The following KCNC4 variants were observed in gnomAD, a reference collection of about 807,000 sequenced individuals.
KCNC4 encodes the protein potassium voltage-gated channel subfamily C member 4, also known as voltage-gated potassium channel KCNC4.
In KCNC4, 23 loss-of-function variants were observed where a neutral mutation model predicts 42.8. The ratio of observed to expected loss-of-function variants is 0.54; its 90% CI spans 0.39 to 0.76. The LOEUF is 0.76. KCNC4 is among the 30% of genes least tolerant of loss of function. KCNC4 has a pLI of 0.00. For synonymous variants in KCNC4, 422 were observed against 393.5 expected (o/e 1.07, Z -0.86); for missense variants, 751 against 898.2 (o/e 0.84, Z 2.10).
intron 1 of KCNC4, among the ~76,000 whole-genome samples, chr1:110,277,626 G>A (rs1283145027): frequency 6.6e-6 from 1 of 152,206 alleles, no homozygotes; most frequent in Non-Finnish European, 1.5e-5. Context: ...GGTACACGCT[G>A]TTCTAAACCA....
rs369247875 is a variant in KCNC4, at chr1:110,270,612, C to T, written n.31-11922C>T. On this transcript the variant is annotated intron_variant and non_coding_transcript_variant, in intron 1 of 2. Coordinates refer to the KCNC4 transcript ENST00000412512. Reference sequence around the variant, plus strand: ...TGTGAGCACAAACCAGGAGGCTGAGCGAATGACCTTCAAGAAAGGAACAAA... The same window carrying T: ...TGTGAGCACAAACCAGGAGGCTGAGTGAATGACCTTCAAGAAAGGAACAAA... Among the ~76,000 whole-genome samples the T allele has an allele frequency of 3.9e-5, 6 of 152,066 alleles. No individual in the cohort carries two copies. In the South Asian group the frequency reaches 8.3e-4, roughly 21 times the overall value.
intron 1 of KCNC4, among the ~76,000 whole-genome samples, chr1:110,215,981 T>G (rs545393215): frequency 4.6e-5 from 7 of 152,266 alleles, no homozygotes; most frequent in Non-Finnish European, 8.8e-5. Context: ...ATCTGTTCCT[T>G]TACTTCTCAC....
intron 1 of KCNC4, among the ~76,000 whole-genome samples, chr1:110,216,871 G>A (rs1387495342): frequency 6.6e-6 from 1 of 152,164 alleles, no homozygotes; most frequent in Admixed American, 6.5e-5. Context: ...TCGCTCTGGA[G>A]GGCAGCAGAG....
At chr1:110,264,123 A>G (rs940596534) in intron 1 of KCNC4, among the ~76,000 whole-genome samples, 3 of 152,202 alleles carry the variant, frequency 2.0e-5, no homozygotes, top group African/African-American at 7.2e-5. Flanking sequence ...CATTTATTGT[A>G]GGGCACCAAG....
downstream of KCNC4, among the ~76,000 whole-genome samples, chr1:110,252,205 A>G (rs2224807): frequency 0.72 from 108,938 of 152,136 alleles, 39,245 homozygotes; most frequent in African/African-American, 0.75. Flanking sequence ...GAGGCCTCCT[A>G]GCTAGGGAAG....
rs1657422991 is a variant in KCNC4, at chr1:110,211,185, AG to A, written c.-314del. On this transcript the variant is annotated 5_prime_UTR_variant, in exon 1 of 4. Transcript: ENST00000438661. The surrounding 1 kb of genome is among the most constrained non-coding windows in gnomAD (Gnocchi z 6.5). Reference sequence around the variant, plus strand: ...AGGCGGGGGCGTGTCCCCGGCCCAGAGCGTTTGTGTGTCCCGTCGTAGCGGG... The same window carrying A: ...AGGCGGGGGCGTGTCCCCGGCCCAGACGTTTGTGTGTCCCGTCGTAGCGGG... Among the ~76,000 whole-genome samples the A allele has an allele frequency of 2.6e-5, 4 of 152,146 alleles. 1 individual carries two copies. The South Asian group carries it at 8.3e-4, about 32-fold the overall frequency.
At chr1:110,213,324 G>A (rs1657608430) in intron 1 of KCNC4, among the ~76,000 whole-genome samples, 1 of 152,104 alleles carries the variant, frequency 6.6e-6, no homozygotes, top group Admixed American at 6.5e-5. Context: ...AATGTAACTT[G>A]TTGGGTCTGG....
exon 4 of KCNC4, chr1:110,240,333 A>T (rs961634108): frequency 2.6e-5 from 4 of 152,016 alleles, no homozygotes; most frequent in African/African-American, 9.7e-5. Flanking sequence ...TCCTGAAGAG[A>T]CTTCTGCAGG....
At chr1:110,265,006 G>A (rs559137477) in intron 1 of KCNC4, among the ~76,000 whole-genome samples, 31 of 151,516 alleles carry the variant, frequency 2.0e-4, no homozygotes, top group African/African-American at 6.3e-4. Context: ...ACTTGAACCC[G>A]GGAGGCGGAG....
chr1:110,251,912 C>T (rs1273818775), downstream of KCNC4, among the ~76,000 whole-genome samples: 1 of 152,226 alleles, frequency 6.6e-6, no homozygotes, highest in Non-Finnish European at 1.5e-5. Context: ...CTTGCTCAAC[C>T]AGCCTGCCTC....
intron 1 of KCNC4, among the ~76,000 whole-genome samples, chr1:110,271,489 A>G (rs1659633515): frequency 6.6e-6 from 1 of 152,208 alleles, no homozygotes; most frequent in African/African-American, 2.4e-5. Flanking sequence ...AATTTCTCTT[A>G]AAGAGCAAAA....
At chr1:110,264,986 C>T (rs1316963812) in intron 1 of KCNC4, among the ~76,000 whole-genome samples, 2 of 147,764 alleles carry the variant, frequency 1.4e-5, no homozygotes, top group East Asian at 2.1e-4. Flanking sequence ...GAGGCTGGGG[C>T]GGGAGAATCA....
At chr1:110,218,877 G>A (rs865886279) in intron 1 of KCNC4, among the ~76,000 whole-genome samples, 27 of 152,148 alleles carry the variant, frequency 1.8e-4, no homozygotes, top group African/African-American at 5.3e-4. Flanking sequence ...GGAGCCCAGG[G>A]GGCGCAGGGA....
intron 3 of KCNC4, chr1:110,229,174 C>T (rs1256237544): frequency 6.6e-6 from 1 of 152,358 alleles, no homozygotes; most frequent in East Asian, 1.9e-4. Flanking sequence ...TCTGTCCACC[C>T]CACACCCAGA....
chr1:110,223,016 GCCTGGAGA>G lies in KCNC4; in HGVS notation c.734_741del (p.Leu245ProfsTer2). The G allele has an allele frequency of 6.2e-7, 1 of 1,614,090 alleles. No individual in the cohort carries two copies. ...ATCCTGGTCTCCATCACCACTTTCT[GCCTGGAGA>G]CCCATGAGGCCTTTAATATCGACCG... On this transcript the variant is annotated frameshift_variant, in exon 2 of 4. Coordinates refer to ENST00000438661, the MANE Select transcript of KCNC4 (RefSeq NM_001039574.3). LOFTEE classifies it high-confidence loss of function. This position sits in a 1 kb window ranked among gnomAD's most constrained non-coding sequence, Gnocchi z 7.5.
chr1:110,236,506 A>G (rs1439225838), downstream of KCNC4: 2 of 152,238 alleles, frequency 1.3e-5, no homozygotes, highest in Admixed American at 1.3e-4. Context: ...TTTACAGATA[A>G]GAAACCAAGG....
At chr1:110,252,601 T>C (rs1659266479), downstream of KCNC4, among the ~76,000 whole-genome samples, 1 of 152,172 alleles carries the variant, frequency 6.6e-6, no homozygotes, top group Non-Finnish European at 1.5e-5. Flanking sequence ...GCCCCTCTGC[T>C]CCAGAAACTT....
At chr1:110,214,904 C>T (rs1172715103) in intron 1 of KCNC4, among the ~76,000 whole-genome samples, 8 of 152,198 alleles carry the variant, frequency 5.3e-5, no homozygotes, top group Non-Finnish European at 1.2e-4. Context: ...GCGGGGAGTT[C>T]TGGGGCTGCA....
chr1:110,232,172 T>A (rs1658725868), intron 3 of KCNC4: 3 of 1,584,402 alleles, frequency 1.9e-6, no homozygotes, highest in Non-Finnish European at 2.6e-6. Context: ...CTCTGAGGGG[T>A]TGGGTTTCTC....
Sources: gnomAD v4.1 joint callset for allele counts (sites outside exome capture counted in the v4.1 genomes callset) on GRCh38, gnomAD v4.1.1 for gene constraint, Gnocchi (gnomAD v3.1) non-coding constraint, MANE v1.5 for transcripts, NCBI Gene and HGNC (gene_info 2026-07-23, HGNC 2026-07-21) for gene names.